CFDP1: variants seen among roughly 807,000 people sequenced by gnomAD.
CFDP1 encodes chromatin remodeling protein CFDP1.
CFDP1 carries 31 observed loss-of-function variants against 40.1 expected under a neutral mutation model. The ratio of observed to expected loss-of-function variants is 0.77; its 90% CI spans 0.58 to 1.04. CFDP1 has a LOEUF of 1.04. Among genes scored for constraint, CFDP1 ranks in the 50% least tolerant of loss-of-function variants. The probability of loss-of-function intolerance (pLI) is 0.00; values close to 1 mark genes in which losing one functional copy is unlikely to be tolerated. For synonymous variants in CFDP1, 167 were observed against 120.0 expected (o/e 1.39, Z -2.56); for missense variants, 423 against 343.4 (o/e 1.23, Z -1.83).
At chr16:75,416,981 C>G (rs939005937) in intron 1 of CFDP1, among the ~76,000 whole-genome samples, 1 of 152,076 alleles carries the variant, frequency 6.6e-6, no homozygotes, top group Admixed American at 6.6e-5. Flanking sequence ...TTACTTCCTC[C>G]TGAACCTAGT....
At chr16:75,310,715 G>A (rs1333813986) in intron 5 of CFDP1, among the ~76,000 whole-genome samples, 2 of 152,206 alleles carry the variant, frequency 1.3e-5, no homozygotes, top group African/African-American at 2.4e-5. Context: ...AGCAATGCCC[G>A]GGATCCTGCT....
At chr16:75,430,335 A>G (rs1355059508) in intron 1 of CFDP1, among the ~76,000 whole-genome samples, 3 of 151,876 alleles carry the variant, frequency 2.0e-5, no homozygotes, top group Admixed American at 2.0e-4. Context: ...ACACCCAGCT[A>G]TTTTTTTATA....
chr16:75,334,537 A>C (rs781730032), intron 5 of CFDP1, among the ~76,000 whole-genome samples: 3 of 150,896 alleles, frequency 2.0e-5, no homozygotes, highest in Non-Finnish European at 3.0e-5. Context: ...GTTTCTATAA[A>C]GGAGGGAGGA....
chr16:75,304,871 G>T (rs1471588752), intron 6 of CFDP1, among the ~76,000 whole-genome samples, 153 bp downstream of exon 6: 1 of 152,178 alleles, frequency 6.6e-6, no homozygotes, highest in African/African-American at 2.4e-5. Context: ...CCCCACACTG[G>T]AACAGAGACT....
chr16:75,372,217 G>A (rs1304489937), intron 5 of CFDP1: 1 of 152,062 alleles, frequency 6.6e-6, no homozygotes, highest in Non-Finnish European at 1.5e-5. Context: ...CTATAAGAAG[G>A]GTTTTAATCT....
intron 5 of CFDP1, among the ~76,000 whole-genome samples, chr16:75,309,680 C>T (rs112129098): frequency 0.02 from 3,046 of 151,980 alleles, 39 homozygotes; most frequent in Non-Finnish European, 0.026. Context: ...ATTAGCCGGG[C>T]GTGGTGGCAG....
At chr16:75,385,998 T>G (rs968603509) in intron 5 of CFDP1, among the ~76,000 whole-genome samples, 1 of 152,190 alleles carries the variant, frequency 6.6e-6, no homozygotes, top group Non-Finnish European at 1.5e-5. Context: ...CCAGGACAAT[T>G]TGGCACAACC....
intron 6 of CFDP1, among the ~76,000 whole-genome samples, chr16:75,295,494 A>G (rs1382161949): frequency 6.6e-6 from 1 of 152,262 alleles, no homozygotes; most frequent in Non-Finnish European, 1.5e-5. Context: ...CAGGTACTCA[A>G]TAAAATGACA....
chr16:75,423,789 T>G lies in CFDP1; in HGVS notation c.65-9094A>C, dbSNP rs186578559. 5.2e-3 allele frequency among the ~76,000 whole-genome samples: 791 copies of G among 152,270 alleles called. 3 individuals are homozygous for G. Among genetic ancestry groups the G allele is most frequent in the Non-Finnish European group, 8.9e-3 (604 of 68,020 alleles). On this transcript the variant is annotated intron_variant, in intron 1 of 6. Coordinates refer to ENST00000283882, the MANE Select transcript of CFDP1 (RefSeq NM_006324.3). ...TCGGCCTCCCAGGTTGGTCTTTAAC[T>G]CCTGGCTTCAAGTGATCTGCACTCC...
intron 5 of CFDP1, among the ~76,000 whole-genome samples, chr16:75,370,754 T>C (rs1056167865): frequency 6.6e-6 from 1 of 151,976 alleles, no homozygotes; most frequent in African/African-American, 2.4e-5. Flanking sequence ...CCCAGCTACT[T>C]GGGAAGCTGA....
At chr16:75,394,919 G>A in intron 5 of CFDP1, 171 bp downstream of exon 5, 2 of 787,316 alleles carry the variant, frequency 2.5e-6, no homozygotes, top group Non-Finnish European at 3.8e-6. Context: ...AGAAAGTTAT[G>A]GCTAATTTTC....
intron 5 of CFDP1, among the ~76,000 whole-genome samples, chr16:75,355,240 G>T (rs186825009): frequency 6.6e-6 from 1 of 152,252 alleles, no homozygotes; most frequent in African/African-American, 2.4e-5. Flanking sequence ...GGTAATTGTG[G>T]CAATTTCTTA....
intron 5 of CFDP1, among the ~76,000 whole-genome samples, chr16:75,307,670 C>T (rs1239664098): frequency 6.6e-6 from 1 of 152,146 alleles, no homozygotes; most frequent in African/African-American, 2.4e-5. Context: ...GTGATCCTCC[C>T]ACCTCAGTCT....
intron 6 of CFDP1, among the ~76,000 whole-genome samples, chr16:75,298,157 T>G (rs994994862): frequency 6.6e-6 from 1 of 152,250 alleles, no homozygotes; most frequent in Admixed American, 6.5e-5. Context: ...CTGTGTTTGT[T>G]TAAACTTGGG....
chr16:75,398,262 T>G (rs1019149698), intron 4 of CFDP1, among the ~76,000 whole-genome samples: 4 of 152,234 alleles, frequency 2.6e-5, no homozygotes, highest in African/African-American at 9.6e-5. Context: ...TAAGGTTGCG[T>G]TACTTATTCA....
chr16:75,415,138 T>C (rs2079192901), intron 1 of CFDP1, among the ~76,000 whole-genome samples: 1 of 152,220 alleles, frequency 6.6e-6, no homozygotes, highest in African/African-American at 2.4e-5. Flanking sequence ...TAAAAAACAC[T>C]TTGTCTTCTC....
At chr16:75,359,089 A>C (rs983206403) in intron 5 of CFDP1, among the ~76,000 whole-genome samples, 1 of 152,232 alleles carries the variant, frequency 6.6e-6, no homozygotes, top group Non-Finnish European at 1.5e-5. Context: ...TCTTTATATA[A>C]TTCAGCCAAA....
intron 5 of CFDP1, among the ~76,000 whole-genome samples, chr16:75,380,663 A>G (rs2078845157): frequency 1.3e-5 from 2 of 152,224 alleles, no homozygotes. Flanking sequence ...AACCGGAACG[A>G]ACCCTGGGCC....
At chr16:75,408,626 A>C (rs1243086472) in intron 4 of CFDP1, among the ~76,000 whole-genome samples, 4 of 151,710 alleles carry the variant, frequency 2.6e-5, no homozygotes, top group Non-Finnish European at 4.4e-5. Context: ...AAAATACAAA[A>C]ATTAGCTGGC....
Sources: gnomAD v4.1 joint callset for allele counts (sites outside exome capture counted in the v4.1 genomes callset) on GRCh38, gnomAD v4.1.1 for gene constraint, MANE v1.5 for transcripts, NCBI Gene and HGNC (gene_info 2026-07-23, HGNC 2026-07-21) for gene names.